Variants in GPR149 observed in about 807,000 individuals in gnomAD.
The protein encoded by GPR149 is G protein-coupled receptor 149.
A neutral mutation model predicts 50.2 loss-of-function variants in GPR149; 50 were observed. The observed-to-expected ratio is 1.00, with a 90% CI of 0.79 to 1.26. The LOEUF (loss-of-function observed/expected upper bound fraction) is 1.26, where lower values mean the gene tolerates loss of function less well. Ranked by LOEUF, GPR149 falls within the 50% of genes most tolerant of loss-of-function variation. The pLI is 0.00. For synonymous variants in GPR149, 405 were observed against 358.2 expected (o/e 1.13, Z -1.48); for missense variants, 983 against 895.4 (o/e 1.10, Z -1.25).
chr3:154,394,440 A>G (rs1366490258), intron 3 of GPR149, among the ~76,000 whole-genome samples: 1 of 152,116 alleles, frequency 6.6e-6, no homozygotes, highest in Non-Finnish European at 1.5e-5. Context: ...TAAAACTATC[A>G]GAAGAAAATA....
intron 3 of GPR149, among the ~76,000 whole-genome samples, chr3:154,414,834 A>G (rs1222982071): frequency 6.6e-6 from 1 of 152,000 alleles, no homozygotes; most frequent in Non-Finnish European, 1.5e-5. Context: ...CCTGCGAAAC[A>G]AAGAAAGACT....
At chr3:154,361,977 T>C (rs1315568607) in intron 3 of GPR149, among the ~76,000 whole-genome samples, 1 of 152,124 alleles carries the variant, frequency 6.6e-6, no homozygotes, top group Non-Finnish European at 1.5e-5. Flanking sequence ...GAAGCCAAAA[T>C]TTATATTTGT....
At chr3:154,341,816 C>T (rs1335794001) in intron 3 of GPR149, among the ~76,000 whole-genome samples, 2 of 151,972 alleles carry the variant, frequency 1.3e-5, no homozygotes, top group Non-Finnish European at 2.9e-5. Flanking sequence ...TAATATGTAG[C>T]TACAGCAATT....
chr3:154,351,367 T>C (rs1054620573), intron 3 of GPR149, among the ~76,000 whole-genome samples: 76 of 144,552 alleles, frequency 5.3e-4, no homozygotes, highest in African/African-American at 1.5e-3. Flanking sequence ...ATCTGTTTCA[T>C]AGTTTATTCA....
rs1045832850 is a variant in GPR149, at chr3:154,380,688, T to C, written c.1623+40351A>G. On this transcript the variant is annotated intron_variant, in intron 3 of 3. Transcript: ENST00000389740. Reference sequence around the variant, plus strand: ...CAATATCCAACTCTATAAAAGCATTTAAGAATTAAATTATTCATATAGAGT... The same window carrying C: ...CAATATCCAACTCTATAAAAGCATTCAAGAATTAAATTATTCATATAGAGT... Among the ~76,000 whole-genome samples, 7 of 141,540 alleles carry C rather than the reference T, an allele frequency of 4.9e-5. No individual in the cohort carries two copies. In the South Asian group the frequency reaches 7.4e-4, roughly 15 times the overall value. 92.9% of individuals were successfully genotyped at this position (141,540 alleles called of 152,430 possible).
At chr3:154,352,045 C>T (rs1275498025) in intron 3 of GPR149, 1 of 405,168 alleles carries the variant, frequency 2.5e-6, no homozygotes, top group East Asian at 4.1e-5. Context: ...CAGACACATA[C>T]CTCAACTATC....
chr3:154,357,054 C>G lies in GPR149; in HGVS notation c.1624-18783G>C, dbSNP rs1714252650. On this transcript the variant is annotated intron_variant, in intron 3 of 3. Transcript: ENST00000389740. ...ATATTTACAGCCATCTGATCTTTGA[C>G]AAATCTGACAAAAACAAGAAATGGG... is the stretch of plus-strand genomic sequence containing the variant. 2.0e-5 allele frequency among the ~76,000 whole-genome samples: 3 copies of G among 152,234 alleles called. No homozygotes were observed. In the East Asian group the frequency reaches 5.8e-4, roughly 29 times the overall value.
chr3:154,409,080 G>A (rs1028094776), intron 3 of GPR149, among the ~76,000 whole-genome samples: 2 of 152,168 alleles, frequency 1.3e-5, no homozygotes, highest in African/African-American at 2.4e-5. Flanking sequence ...CCCAGTACCA[G>A]ACTGAAATCC....
intron 3 of GPR149, among the ~76,000 whole-genome samples, chr3:154,372,292 G>C (rs2108401726): frequency 6.6e-6 from 1 of 152,282 alleles, no homozygotes; most frequent in East Asian, 1.9e-4. Context: ...CAGAATTTGT[G>C]TGTGTGTTTT....
intron 2 of GPR149, among the ~76,000 whole-genome samples, chr3:154,423,716 T>C (rs918489772): frequency 5.9e-5 from 9 of 151,920 alleles, no homozygotes; most frequent in East Asian, 1.9e-4. Context: ...GAAGAAAATA[T>C]GAGAATCAGA....
At position 154,334,986 on chromosome 3, in the gene GPR149, T is replaced by G. The variant is rs915464518; in HGVS notation, c.*2713A>C. On this transcript the variant is annotated 3_prime_UTR_variant, in exon 4 of 4. Transcript: ENST00000389740. ...TTTATTATATTTTTAAGTAATATTG[T>G]GCCATTTGCTATCTTCAAAGAGTTG... is the stretch of plus-strand genomic sequence containing the variant. 5.5e-4 allele frequency: 83 copies of G among 152,282 alleles called. No homozygotes were observed. The highest frequency in any genetic ancestry group is 1.9e-3 in the African/African-American group (78 of 41,562). 9.4% of individuals were successfully genotyped at this position (152,282 alleles called of 1,614,324 possible).
intron 3 of GPR149, among the ~76,000 whole-genome samples, chr3:154,376,933 G>GA (rs1328621287): frequency 6.6e-6 from 1 of 151,142 alleles, no homozygotes; most frequent in Non-Finnish European, 1.5e-5. Flanking sequence ...ATTATTTTGA[G>GA]AATTAAATAA....
chr3:154,348,008 G>A (rs1463887256), intron 3 of GPR149, among the ~76,000 whole-genome samples: 1 of 152,174 alleles, frequency 6.6e-6, no homozygotes, highest in African/African-American at 2.4e-5. Context: ...ACTTCTGTAA[G>A]CCTCAGTTGT....
intron 3 of GPR149, among the ~76,000 whole-genome samples, chr3:154,368,437 T>C (rs1016468020): frequency 6.6e-6 from 1 of 152,240 alleles, no homozygotes; most frequent in African/African-American, 2.4e-5. Context: ...TATGGTCCCC[T>C]ACATCAGGAC....
chr3:154,382,523 C>A (rs1026076866), intron 3 of GPR149, among the ~76,000 whole-genome samples: 2 of 152,104 alleles, frequency 1.3e-5, no homozygotes, highest in African/African-American at 4.8e-5. Context: ...GTCAAATGAC[C>A]ACTTGATCAA....
chr3:154,374,169 C>CTTTTTTTTTTTTTTTTTTTTTT (rs3069044), intron 3 of GPR149, among the ~76,000 whole-genome samples: 13 of 103,168 alleles, frequency 1.3e-4, no homozygotes, highest in South Asian at 3.6e-4. Context: ...CTTTTCTTTT[C>CTTTTTTTTTTTTTTTTTTTTTT]TTTTTTTTTT....
intron 3 of GPR149, among the ~76,000 whole-genome samples, chr3:154,405,671 T>C (rs1180062244): frequency 6.6e-6 from 1 of 150,766 alleles, no homozygotes; most frequent in Non-Finnish European, 1.5e-5. Context: ...GATAACTCAC[T>C]GTGGGTAATG....
chr3:154,429,276 A>G lies in GPR149; in HGVS notation c.340T>C (p.Cys114Arg), dbSNP rs1712415400. ...LCTTSALMYL[C>R]QGLSSNLKAT... ...TTCAAGTTGCTAGAGAGGCCCTGGC[A>G]TAAATACATTAAGGCAGAGGTGGTG... The change falls in exon 1 of 4, where the codon TGC (cysteine) becomes CGC (arginine). Residue 114 changes from cysteine to arginine, a missense_variant. Physicochemically the swap from Cys to Arg is radical, Grantham distance 180. Transcript: ENST00000389740. 2 of 1,614,186 alleles carry G rather than the reference A, an allele frequency of 1.2e-6. No homozygotes were observed. Among genetic ancestry groups the G allele is most frequent in the Middle Eastern group, 1.6e-4 (1 of 6,062 alleles).
intron 3 of GPR149, among the ~76,000 whole-genome samples, chr3:154,417,689 C>A (rs936983120): frequency 1.9e-4 from 29 of 151,904 alleles, no homozygotes; most frequent in African/African-American, 6.5e-4. Context: ...TAATGCATCA[C>A]TATATACGAT....
Sources: gnomAD v4.1 joint callset for allele counts (sites outside exome capture counted in the v4.1 genomes callset) on GRCh38, gnomAD v4.1.1 for gene constraint, MANE v1.5 for transcripts, NCBI Gene and HGNC (gene_info 2026-07-23, HGNC 2026-07-21) for gene names.